The following UTRN variants were observed in gnomAD, a reference collection of about 807,000 sequenced individuals.
The protein encoded by UTRN is dystrophin-related protein 1.
A neutral mutation model predicts 463.9 loss-of-function variants in UTRN; 283 were observed. The ratio of observed to expected loss-of-function variants is 0.61; its 90% confidence interval spans 0.55 to 0.67. The LOEUF (loss-of-function observed/expected upper bound fraction) is 0.67, where lower values mean the gene tolerates loss of function less well. Ranked by LOEUF, UTRN falls within the 30% of genes least tolerant of loss-of-function variation. The pLI, the probability that UTRN is intolerant of heterozygous loss-of-function variation, is 0.00. For synonymous variants in UTRN, 1,442 were observed against 1,431.5 expected (o/e 1.01, Z -0.17); for missense variants, 3,922 against 4,084.3 (o/e 0.96, Z 1.08).
Position 144,539,461 on chromosome 6 carries a change from A to C in UTRN, c.6519+18A>C. The C allele has an allele frequency of 6.4e-7, 1 of 1,564,480 alleles. No homozygotes were observed. The highest frequency in any genetic ancestry group is 8.7e-7 in the Non-Finnish European group (1 of 1,153,448). Reference sequence around the variant, plus strand: ...GGAATAAGGTGTGTGTAAAGTTACTATCACACATTTCTCATATTTATTGAT... The same window carrying C: ...GGAATAAGGTGTGTGTAAAGTTACTCTCACACATTTCTCATATTTATTGAT... On this transcript the variant is annotated intron_variant, in intron 45 of 74. Transcript: ENST00000367545.
At position 144,633,239 on chromosome 6, in the gene UTRN, T is replaced by TC. The variant is rs1776722516; in HGVS notation, c.7480-45167_7480-45166insC. 2.0e-5 allele frequency among the ~76,000 whole-genome samples: 3 copies of TC among 150,718 alleles called. No individual in the cohort carries two copies. The South Asian group carries it at 6.3e-4, about 32-fold the overall frequency. ...CTCACTACTTCTCCTTTTTTTTTTT[T>TC]TTTTTCCTGAGACGGAGTCTTGCTC... On this transcript the variant is annotated intron_variant, in intron 51 of 74. Transcript: ENST00000367545.
At chr6:144,732,239 C>CATATATAT (rs71810800) in intron 54 of UTRN, among the ~76,000 whole-genome samples, 8 of 116,052 alleles carry the variant, frequency 6.9e-5, no homozygotes, top group South Asian at 3.2e-4. Context: ...TATATATATA[C>CATATATAT]ATATATATAT....
chr6:144,578,801 G>A (rs1011138306), intron 51 of UTRN, among the ~76,000 whole-genome samples: 8 of 152,282 alleles, frequency 5.3e-5, no homozygotes, highest in Middle Eastern at 3.4e-3. Flanking sequence ...ATGAAACTCA[G>A]CATTGAAACC....
chr6:144,352,913 T>A (rs1031825998), intron 2 of UTRN, among the ~76,000 whole-genome samples: 2 of 152,136 alleles, frequency 1.3e-5, no homozygotes, highest in African/African-American at 4.8e-5. Context: ...GTTTTCTAAA[T>A]TTTCTCATCT....
At chr6:144,633,286 AT>A (rs1329227210) in intron 51 of UTRN, among the ~76,000 whole-genome samples, 1 of 149,224 alleles carries the variant, frequency 6.7e-6, no homozygotes, top group Admixed American at 6.7e-5. Flanking sequence ...CTGAAGTGCA[AT>A]GGCGCGATCT....
At chr6:144,308,686 C>A (rs1209450395) in intron 2 of UTRN, among the ~76,000 whole-genome samples, 1 of 152,178 alleles carries the variant, frequency 6.6e-6, no homozygotes, top group Non-Finnish European at 1.5e-5. Flanking sequence ...AGAACCCACC[C>A]AAGGCCACCC....
rs577154906 is a variant in UTRN at position 144,296,233 on chromosome 6, G to A, written c.79+4326G>A. Among the ~76,000 whole-genome samples the A allele has an allele frequency of 1.5e-4, 23 of 152,188 alleles. 2 individuals are homozygous for A. In the South Asian group the frequency reaches 4.3e-3, roughly 29 times the overall value. On this transcript the variant is annotated intron_variant, in intron 2 of 74. Transcript: ENST00000367545. Reference sequence around the variant, plus strand: ...TGGCTGAGCAAGCACTACCGCCTGAGCTCTGCCTCCTGTCAGATCAGCGGC... The same window carrying A: ...TGGCTGAGCAAGCACTACCGCCTGAACTCTGCCTCCTGTCAGATCAGCGGC...
chr6:144,391,514 A>T (rs768287414), intron 2 of UTRN, among the ~76,000 whole-genome samples: 11 of 152,208 alleles, frequency 7.2e-5, no homozygotes, highest in Non-Finnish European at 1.3e-4. Context: ...TAAGGGTCAT[A>T]ATAAAGGCAA....
Position 144,491,007 on chromosome 6 carries a change from A to G in UTRN, c.4342A>G (p.Lys1448Glu), listed in dbSNP as rs747282088. 4.0e-5 allele frequency: 64 copies of G among 1,613,982 alleles called. No homozygotes were observed. The highest frequency in any genetic ancestry group is 5.4e-5 in the Non-Finnish European group (64 of 1,179,980). The stretch of plus-strand genomic sequence containing the variant: ...CTTCGAGCAGCGCATGCTGGACTGC[A>G]AGCGTGTGCTGGATGGCGTGAAAGC... ...ANFEQRMLDC[K>E]RVLDGVKAEL... The change falls in exon 32 of 75, where the codon AAG (lysine) becomes GAG (glutamate). Residue 1448 changes from lysine to glutamate, a missense_variant. By Grantham distance (56) the Lys-to-Glu change is moderately conservative. Around this residue, in one of 3 missense-constraint regions of UTRN, gnomAD observed 2,349 missense variants for 2,303.8 expected, o/e 1.02. Coordinates refer to ENST00000367545, the MANE Select transcript of UTRN (RefSeq NM_007124.3).
At position 144,791,452 on chromosome 6, in the gene UTRN, G is replaced by A. The variant is rs140781781; in HGVS notation, c.8920+2173G>A. 4.4e-3 allele frequency among the ~76,000 whole-genome samples: 665 copies of A among 151,976 alleles called. 2 individuals are homozygous for A. Among genetic ancestry groups the A allele is most frequent in the African/African-American group, 0.013 (554 of 41,430 alleles). On this transcript the variant is annotated intron_variant, in intron 62 of 74. Transcript: ENST00000367545. The stretch of plus-strand genomic sequence containing the variant: ...CCAGGCACAGTGGTTCATGCCTGTA[G>A]TCCTAGCTACTTGGGAGACTAAGGT...
At chr6:144,818,126 A>G (rs1779246836) in intron 65 of UTRN, among the ~76,000 whole-genome samples, 1 of 152,244 alleles carries the variant, frequency 6.6e-6, no homozygotes, top group Non-Finnish European at 1.5e-5. Flanking sequence ...TGGAACTCAA[A>G]TATAGATAAA....
chr6:144,359,508 C>A (rs916759623), intron 2 of UTRN, among the ~76,000 whole-genome samples: 1 of 152,184 alleles, frequency 6.6e-6, no homozygotes, highest in African/African-American at 2.4e-5. Context: ...GTTTCTGATA[C>A]GCCCTTCAGA....
chr6:144,384,299 C>T (rs914270583), intron 2 of UTRN, among the ~76,000 whole-genome samples: 1 of 152,096 alleles, frequency 6.6e-6, no homozygotes, highest in Admixed American at 6.6e-5. Context: ...TCGAGCATTA[C>T]CTCCTGAGCT....
chr6:144,408,126 G>T (rs1462072302), intron 3 of UTRN, among the ~76,000 whole-genome samples: 1 of 152,136 alleles, frequency 6.6e-6, no homozygotes, highest in Non-Finnish European at 1.5e-5. Context: ...AATTACTTAG[G>T]AATGCAAAAT....
At position 144,554,366 on chromosome 6, in the gene UTRN, C is replaced by T. The variant is rs780123728; in HGVS notation, c.6929-322C>T. ...CATCAAACCAGGTCTATAAATACAACTGTAAATACAAAATTAAATAGAACA... is the reference window on the plus strand; with the variant it reads ...CATCAAACCAGGTCTATAAATACAATTGTAAATACAAAATTAAATAGAACA... On this transcript the variant is annotated intron_variant, in intron 48 of 74. Transcript: ENST00000367545. Among the ~76,000 whole-genome samples, 77 of 152,162 alleles carry T rather than the reference C, an allele frequency of 5.1e-4. 1 individual carries two copies. The highest frequency in any genetic ancestry group is 2.5e-4 in the Non-Finnish European group (17 of 68,036).
chr6:144,768,554 A>G (rs1265008037), intron 58 of UTRN, among the ~76,000 whole-genome samples: 1 of 152,178 alleles, frequency 6.6e-6, no homozygotes, highest in Non-Finnish European at 1.5e-5. Context: ...AGAAGTTATA[A>G]TAGGTTCCAA....
chr6:144,789,145 G>A lies in UTRN; in HGVS notation c.8835-49G>A, dbSNP rs755208294. ...GATATTCAGAAACAATGAACATGCT[G>A]TATATGGTTTTAAATGCATCTAACA... On this transcript the variant is annotated intron_variant, in intron 61 of 74. Coordinates refer to ENST00000367545, the MANE Select transcript of UTRN (RefSeq NM_007124.3). 4 of 1,420,298 alleles carry A rather than the reference G, an allele frequency of 2.8e-6. No homozygotes were observed. In the African/African-American group the frequency reaches 5.7e-5, roughly 20 times the overall value. 88.0% of individuals were successfully genotyped at this position (1,420,298 alleles called of 1,614,324 possible).
At chr6:144,567,865 A>G (rs753009328) in intron 50 of UTRN, among the ~76,000 whole-genome samples, 7 of 152,174 alleles carry the variant, frequency 4.6e-5, no homozygotes, top group Non-Finnish European at 8.8e-5. Context: ...AGACATATCT[A>G]TTCATGTTCA....
At chr6:144,302,342 C>T (rs1325094599) in intron 2 of UTRN, among the ~76,000 whole-genome samples, 1 of 151,980 alleles carries the variant, frequency 6.6e-6, no homozygotes, top group Non-Finnish European at 1.5e-5. Context: ...GAAACCTCGT[C>T]TCTACTAAAA....
Sources: gnomAD v4.1 joint callset for allele counts (sites outside exome capture counted in the v4.1 genomes callset) on GRCh38, gnomAD v4.1.1 for gene constraint, gnomAD v4.1.1 regional missense constraint, MANE v1.5 for transcripts, NCBI Gene and HGNC (gene_info 2026-07-23, HGNC 2026-07-21) for gene names.